The following ADAMTS3 variants were observed in gnomAD, a reference collection of about 807,000 sequenced individuals.
ADAMTS3 encodes the protein ADAM metallopeptidase with thrombospondin type 1 motif 3, also known as A disintegrin and metalloproteinase with thrombospondin motifs 3.
In ADAMTS3, 73 loss-of-function variants were observed where a neutral mutation model predicts 129.0. The observed-to-expected ratio is 0.57, with a 90% CI of 0.47 to 0.69. The LOEUF (loss-of-function observed/expected upper bound fraction) is 0.69. ADAMTS3 is among the 30% of genes least tolerant of loss of function. The pLI is 0.00. For synonymous variants in ADAMTS3, 477 were observed against 510.8 expected (o/e 0.93, Z 0.89); for missense variants, 1,457 against 1,514.5 (o/e 0.96, Z 0.63).
chr4:72,456,258 TAC>T (rs1560522701), intron 3 of ADAMTS3, among the ~76,000 whole-genome samples: 7 of 48,778 alleles, frequency 1.4e-4, no homozygotes, highest in Non-Finnish European at 3.0e-4. Context: ...ATAGTATATA[TAC>T]TGTATATACT....
Position 72,542,305 on chromosome 4 carries a change from C to G in ADAMTS3, c.504+6173G>C, listed in dbSNP as rs574947585. ...TCAGCCTCCCGAGTCGCTGGGACTA[C>G]AGGCGCCCACCACCACGCCCGGCTA... is the stretch of plus-strand genomic sequence containing the variant. On this transcript the variant is annotated intron_variant, in intron 3 of 21. Transcript: ENST00000286657. 8.5e-5 allele frequency among the ~76,000 whole-genome samples: 13 copies of G among 152,208 alleles called. No homozygotes were observed. The South Asian group carries it at 2.5e-3, about 29-fold the overall frequency.
intron 4 of ADAMTS3, among the ~76,000 whole-genome samples, chr4:72,361,979 T>C (rs921570479): frequency 1.3e-5 from 2 of 148,760 alleles, no homozygotes; most frequent in Admixed American, 6.9e-5. Context: ...GGAACTGCAA[T>C]TGCAACTGCA....
intron 3 of ADAMTS3, among the ~76,000 whole-genome samples, chr4:72,482,596 T>C (rs897486561): frequency 6.6e-6 from 1 of 152,170 alleles, no homozygotes; most frequent in Non-Finnish European, 1.5e-5. Flanking sequence ...GTATATTAAC[T>C]GTATCAATGT....
intron 4 of ADAMTS3, among the ~76,000 whole-genome samples, chr4:72,350,794 C>T (rs1720414247): frequency 2.0e-5 from 3 of 151,984 alleles, no homozygotes; most frequent in Admixed American, 2.0e-4. Context: ...GCACTGTTAC[C>T]TCTGATTTTT....
At chr4:72,333,706 C>T (rs929490243) in intron 5 of ADAMTS3, among the ~76,000 whole-genome samples, 1 of 152,102 alleles carries the variant, frequency 6.6e-6, no homozygotes, top group East Asian at 1.9e-4. Context: ...TAAATTTGAG[C>T]CACAATGACC....
At chr4:72,287,127 T>C (rs1718526923) in intron 21 of ADAMTS3, among the ~76,000 whole-genome samples, 1 of 151,206 alleles carries the variant, frequency 6.6e-6, no homozygotes, top group South Asian at 2.1e-4. Context: ...TAAAAGAGAA[T>C]CAAGGGAGCT....
At chr4:72,426,617 T>G (rs1294273511) in intron 3 of ADAMTS3, among the ~76,000 whole-genome samples, 22 of 152,132 alleles carry the variant, frequency 1.4e-4, no homozygotes, top group Non-Finnish European at 2.9e-5. Flanking sequence ...CTTGGCGAAG[T>G]GCTTCATGCC....
chr4:72,457,107 G>A (rs575066395), intron 3 of ADAMTS3, among the ~76,000 whole-genome samples: 17 of 151,772 alleles, frequency 1.1e-4, no homozygotes, highest in African/African-American at 3.4e-4. Context: ...AAATAAAGAT[G>A]TGCTACATTT....
At chr4:72,322,982 ATG>A (rs755286022) in intron 6 of ADAMTS3, 30 bp downstream of exon 6, 4 of 1,538,188 alleles carry the variant, frequency 2.6e-6, no homozygotes, top group Non-Finnish European at 1.8e-6. Context: ...CCAGTCCCTA[ATG>A]TTTATAATTC....
At chr4:72,405,545 G>A (rs1312186817) in intron 4 of ADAMTS3, among the ~76,000 whole-genome samples, 4 of 152,134 alleles carry the variant, frequency 2.6e-5, no homozygotes, top group African/African-American at 2.4e-5. Flanking sequence ...TAGGCCTGGA[G>A]ACTATATCAC....
intron 4 of ADAMTS3, among the ~76,000 whole-genome samples, chr4:72,356,546 A>T (rs894947325): frequency 9.2e-5 from 14 of 152,016 alleles, no homozygotes; most frequent in African/African-American, 3.4e-4. Context: ...AAAACAAAAC[A>T]AAACTCAACA....
intron 3 of ADAMTS3, among the ~76,000 whole-genome samples, chr4:72,519,539 T>G (rs1720599312): frequency 6.6e-6 from 1 of 152,174 alleles, no homozygotes; most frequent in Admixed American, 6.5e-5. Flanking sequence ...GTTCATTTCT[T>G]TTTATTCTTT....
At chr4:72,517,380 TC>T (rs1720518839) in intron 3 of ADAMTS3, among the ~76,000 whole-genome samples, 1 of 152,240 alleles carries the variant, frequency 6.6e-6, no homozygotes, top group Non-Finnish European at 1.5e-5. Flanking sequence ...TCCCTCTTTT[TC>T]TATTGATTGG....
At chr4:72,404,559 A>G (rs889021412) in intron 4 of ADAMTS3, among the ~76,000 whole-genome samples, 1 of 152,108 alleles carries the variant, frequency 6.6e-6, no homozygotes, top group African/African-American at 2.4e-5. Context: ...AACTCCTAGG[A>G]GAAAGCAAAA....
intron 3 of ADAMTS3, among the ~76,000 whole-genome samples, chr4:72,514,327 T>A (rs1418781811): frequency 6.6e-6 from 1 of 152,178 alleles, no homozygotes; most frequent in Non-Finnish European, 1.5e-5. Context: ...ATAAGGCTTC[T>A]CTCACTACAG....
rs565066307 is a variant in ADAMTS3 at position 72,414,340 on chromosome 4, T to A, written c.661+475A>T. On this transcript the variant is annotated intron_variant, in intron 4 of 21. Transcript: ENST00000286657. ...CAGAAGAATTTCATTCATTGTCTCC[T>A]CCATCTAGTAAAAGTTTTGCCAAAT... Among the ~76,000 whole-genome samples, 18 of 151,598 alleles carry A rather than the reference T, an allele frequency of 1.2e-4. 1 individual carries two copies. The highest frequency in any genetic ancestry group is 3.4e-3 in the Middle Eastern group (1 of 292).
chr4:72,382,610 T>C (rs938096390), intron 4 of ADAMTS3, among the ~76,000 whole-genome samples: 7 of 152,292 alleles, frequency 4.6e-5, no homozygotes, highest in East Asian at 1.9e-4. Context: ...CTATTCACAA[T>C]AGCAAAGTCA....
chr4:72,369,928 T>A (rs1236554339), intron 4 of ADAMTS3, among the ~76,000 whole-genome samples: 1 of 152,174 alleles, frequency 6.6e-6, no homozygotes, highest in Non-Finnish European at 1.5e-5. Flanking sequence ...TCCACCACTT[T>A]CCACTGCTTT....
At chr4:72,316,022 G>T in intron 10 of ADAMTS3, 51 bp from the exon 11 acceptor site, 1 of 1,133,230 alleles carries the variant, frequency 8.8e-7, no homozygotes, top group Non-Finnish European at 1.3e-6. Context: ...AGCATGACAT[G>T]CACCAAAAAT....
Sources: gnomAD v4.1 joint callset for allele counts (sites outside exome capture counted in the v4.1 genomes callset) on GRCh38, gnomAD v4.1.1 for gene constraint, MANE v1.5 for transcripts, NCBI Gene and HGNC (gene_info 2026-07-23, HGNC 2026-07-21) for gene names.